The following SCIN variants were observed in gnomAD, a reference collection of about 807,000 sequenced individuals.
SCIN encodes scinderin.
SCIN carries 91 observed loss-of-function variants against 91.8 expected under a neutral mutation model. The observed-to-expected ratio is 0.99, with a 90% CI of 0.84 to 1.18. The LOEUF (loss-of-function observed/expected upper bound fraction) is 1.18, where lower values mean the gene tolerates loss of function less well. SCIN is among the 50% of genes most tolerant of loss of function. The pLI is 0.00. For synonymous variants in SCIN, 367 were observed against 312.6 expected, an observed-to-expected ratio of 1.17 and a Z score of -1.84; for missense variants, 1,087 against 863.9, an observed-to-expected ratio of 1.26 and a Z score of -3.24.
intron 1 of SCIN, among the ~76,000 whole-genome samples, chr7:12,571,977 G>A (rs1195256674): frequency 6.6e-6 from 1 of 152,114 alleles, no homozygotes; most frequent in African/African-American, 2.4e-5. Flanking sequence ...AGCCTGCCCA[G>A]TACTCGTGTT....
chr7:12,644,421 A>C, intron 12 of SCIN, 106 bp downstream of exon 12: 3 of 1,443,682 alleles, frequency 2.1e-6, no homozygotes, highest in Non-Finnish European at 2.8e-6. Flanking sequence ...ATAAGGGTTA[A>C]CAATCTCTCC....
At position 12,629,231 on chromosome 7, in the gene SCIN, A is replaced by T; in HGVS notation, c.1319+9A>T. ...CAGATTATCTACACGTGGTGAGTTT[A>T]TACGGGTAAAGATCTCGAGTTCCAC... is the stretch of plus-strand genomic sequence containing the variant. On this transcript the variant is annotated intron_variant, in intron 9 of 15. Coordinates refer to ENST00000297029, the MANE Select transcript of SCIN (RefSeq NM_001112706.3). 1 of 1,597,954 alleles carries T rather than the reference A, an allele frequency of 6.3e-7. No homozygotes were observed. The highest frequency in any genetic ancestry group is 8.5e-7 in the Non-Finnish European group (1 of 1,174,250).
intron 3 of SCIN, among the ~76,000 whole-genome samples, chr7:12,592,003 A>G (rs1782733871): frequency 6.6e-6 from 1 of 152,132 alleles, no homozygotes; most frequent in South Asian, 2.1e-4. Flanking sequence ...GATGACTGGG[A>G]GACAGGTTTA....
At position 12,646,540 on chromosome 7, in the gene SCIN, A is replaced by G. The variant is rs143138406; in HGVS notation, c.1881+1835A>G. On this transcript the variant is annotated intron_variant, in intron 13 of 15. Transcript: ENST00000297029. ...TTCTGGAGGCAAACAAACATCCAATACAAAAGAATACAGGAGTGATTTTAC... is the reference window on the plus strand; with the variant it reads ...TTCTGGAGGCAAACAAACATCCAATGCAAAAGAATACAGGAGTGATTTTAC... 8.5e-5 allele frequency among the ~76,000 whole-genome samples: 13 copies of G among 152,308 alleles called. No homozygotes were observed. In the East Asian group the frequency reaches 2.5e-3, roughly 29 times the overall value.
rs367686561 is a variant in SCIN at position 12,651,901 on chromosome 7, G to A, written c.2020G>A (p.Ala674Thr). 9 of 1,600,894 alleles carry A rather than the reference G, an allele frequency of 5.6e-6. No individual in the cohort carries two copies. The Admixed American group carries it at 1.0e-4, about 18-fold the overall frequency. The change falls in exon 15 of 16, where the codon GCC becomes ACC. Residue 674 changes from alanine (A) to threonine (T), a missense_variant and splice_region_variant. Transcript: ENST00000297029. This position sits in a 1 kb window ranked among gnomAD's most constrained non-coding sequence, Gnocchi z 5.9. ...TGAGAAAAAAGAATCTCTGAAGTCT[G>A]GTAAGCTCAATCGATGGACCATTAT... The part of the protein sequence containing the change: ...EVEKKESLKS[A>T]KMYLETDPSG...
At chr7:12,623,136 A>T (rs980696928) in intron 5 of SCIN, among the ~76,000 whole-genome samples, 1 of 152,206 alleles carries the variant, frequency 6.6e-6, no homozygotes, top group Admixed American at 6.5e-5. Context: ...ATAAAATTAT[A>T]TATTGTTGCT....
At chr7:12,644,012 G>T in intron 11 of SCIN, 126 bp from the exon 12 acceptor site, 1 of 834,872 alleles carries the variant, frequency 1.2e-6, no homozygotes, top group Non-Finnish European at 1.9e-6. Context: ...GAGCGGCTCT[G>T]AATTAATTTC....
At chr7:12,638,462 A>G (rs746627863) in intron 10 of SCIN, among the ~76,000 whole-genome samples, 1 of 152,192 alleles carries the variant, frequency 6.6e-6, no homozygotes, top group African/African-American at 2.4e-5. Flanking sequence ...CAATGCAGTG[A>G]TGTTTCTGAT....
At chr7:12,572,122 T>G (rs920614611) in intron 1 of SCIN, among the ~76,000 whole-genome samples, 1 of 152,146 alleles carries the variant, frequency 6.6e-6, no homozygotes, top group Non-Finnish European at 1.5e-5. Flanking sequence ...TAGAAAACAT[T>G]GAGTAGTGAC....
At chr7:12,636,336 C>T (rs1467077262) in intron 10 of SCIN, among the ~76,000 whole-genome samples, 1 of 152,138 alleles carries the variant, frequency 6.6e-6, no homozygotes, top group Non-Finnish European at 1.5e-5. Context: ...CAAACAAAAA[C>T]AACAAAAATC....
intron 4 of SCIN, among the ~76,000 whole-genome samples, chr7:12,614,378 T>A (rs1783257528): frequency 6.6e-6 from 1 of 152,212 alleles, no homozygotes. Context: ...AAACATTCAG[T>A]GCTAACCATA....
intron 3 of SCIN, among the ~76,000 whole-genome samples, chr7:12,591,641 A>C (rs1782724842): frequency 6.6e-6 from 1 of 152,066 alleles, no homozygotes; most frequent in Non-Finnish European, 1.5e-5. Flanking sequence ...TGAGGGGTTT[A>C]GGGGTTCATT....
At chr7:12,645,424 T>C (rs1309295698) in intron 13 of SCIN, among the ~76,000 whole-genome samples, 1 of 152,180 alleles carries the variant, frequency 6.6e-6, no homozygotes, top group East Asian at 1.9e-4. Flanking sequence ...CATGCTACTG[T>C]TCTGAATCTC....
In SCIN at chr7:12,640,371, C is replaced by G. The variant is rs1282876746; in HGVS notation, c.1435C>G (p.Pro479Ala). Residue 479 changes from proline to alanine, a missense_variant, in exon 11 of 16, where the codon CCT becomes GCT. Transcript: ENST00000297029. ...VQIRVSQGKE[P>A]VHLLSLFKDK... ...GATCCGAGTCTCCCAAGGCAAAGAG[C>G]CTGTTCACCTACTGAGTTTGTTCAA... 1.9e-6 allele frequency: 3 copies of G among 1,606,020 alleles called. No homozygotes were observed. The highest frequency in any genetic ancestry group is 1.1e-5 in the South Asian group (1 of 89,492).
intron 3 of SCIN, 106 bp from the exon 4 acceptor site, chr7:12,604,408 G>C (rs7798406): frequency 1.1e-6 from 1 of 950,950 alleles, no homozygotes; most frequent in Non-Finnish European, 1.6e-6. Flanking sequence ...TCAACAATAG[G>C]TCATTTAATT....
chr7:12,650,831 G>GAA (rs1784064500), intron 14 of SCIN, among the ~76,000 whole-genome samples: 1 of 152,128 alleles, frequency 6.6e-6, no homozygotes, highest in African/African-American at 2.4e-5. Flanking sequence ...TACTAGAGGA[G>GAA]AAAAACACTA....
At chr7:12,572,434 C>T (rs546306933) in intron 1 of SCIN, among the ~76,000 whole-genome samples, 9 of 152,296 alleles carry the variant, frequency 5.9e-5, no homozygotes, top group African/African-American at 2.2e-4. Flanking sequence ...GATGTCCTTA[C>T]AGAGGACTTT....
At chr7:12,586,715 G>A (rs770515707) in intron 3 of SCIN, among the ~76,000 whole-genome samples, 1 of 152,090 alleles carries the variant, frequency 6.6e-6, no homozygotes, top group Admixed American at 6.5e-5. Flanking sequence ...AGAAAATATG[G>A]TATACACACA....
At chr7:12,571,031 AG>A in intron 1 of SCIN, 46 bp downstream of exon 1, 1 of 1,522,556 alleles carries the variant, frequency 6.6e-7, no homozygotes, top group Non-Finnish European at 8.8e-7. Context: ...AAGGCCGGCG[AG>A]GGGAGGGCGT....
Sources: allele counts gnomAD v4.1 joint callset (sites outside exome capture counted in the v4.1 genomes callset), GRCh38; gene constraint gnomAD v4.1.1; non-coding constraint Gnocchi (gnomAD v3.1); transcripts MANE v1.5; gene names NCBI Gene and HGNC (gene_info 2026-07-23, HGNC 2026-07-21).